Variants in TFAP2D observed in about 807,000 individuals in gnomAD.
TFAP2D encodes transcription factor AP-2 delta, also known as transcription factor AP-2-delta.
A neutral mutation model predicts 43.6 loss-of-function variants in TFAP2D; 9 were observed. The ratio of observed to expected loss-of-function variants is 0.21; its 90% confidence interval spans 0.12 to 0.36. The LOEUF (loss-of-function observed/expected upper bound fraction) is 0.36, where lower values mean the gene tolerates loss of function less well. Ranked by LOEUF, TFAP2D falls within the 10% of genes least tolerant of loss-of-function variation. TFAP2D has a pLI of 1.00. For missense variants in TFAP2D, 513 were observed against 561.4 expected (o/e 0.91, Z 0.87); for synonymous variants, 256 against 224.9 (o/e 1.14, Z -1.24).
chr6:50,742,185 G>GGCAT (rs1769054850), intron 5 of TFAP2D, among the ~76,000 whole-genome samples: 1 of 151,862 alleles, frequency 6.6e-6, no homozygotes, highest in African/African-American at 2.4e-5. Context: ...AAGCTTCTGT[G>GGCAT]GCATGATATA....
intron 3 of TFAP2D, among the ~76,000 whole-genome samples, chr6:50,720,742 C>T (rs1271651881): frequency 2.0e-5 from 3 of 151,972 alleles, no homozygotes; most frequent in East Asian, 1.9e-4. Flanking sequence ...TCTGTTGGGA[C>T]GGGTAAAAAT....
chr6:50,732,454 C>T lies in TFAP2D; in HGVS notation c.883+3142C>T, dbSNP rs528183740. ...ACATTACTGGGGTTCAATCATACCC[C>T]CACATTTTGGCATAATATTGAGCAT... is the stretch of plus-strand genomic sequence containing the variant. On this transcript the variant is annotated intron_variant, in intron 5 of 7. Coordinates refer to ENST00000008391, the MANE Select transcript of TFAP2D (RefSeq NM_172238.4). Among the ~76,000 whole-genome samples, 4 of 152,094 alleles carry T rather than the reference C, an allele frequency of 2.6e-5. No homozygotes were observed. The South Asian group carries it at 8.3e-4, about 32-fold the overall frequency.
chr6:50,751,654 G>A (rs946731440), intron 7 of TFAP2D, among the ~76,000 whole-genome samples: 2 of 151,704 alleles, frequency 1.3e-5, no homozygotes, highest in Non-Finnish European at 2.9e-5. Flanking sequence ...CTTTTATAAG[G>A]GCACTAATCC....
At chr6:50,730,371 C>A (rs574121010) in intron 5 of TFAP2D, among the ~76,000 whole-genome samples, 1 of 152,186 alleles carries the variant, frequency 6.6e-6, no homozygotes, top group African/African-American at 2.4e-5. Context: ...AACAATAACA[C>A]TGACAACTGA....
intron 7 of TFAP2D, among the ~76,000 whole-genome samples, chr6:50,766,813 T>C (rs9357669): frequency 0.22 from 33,045 of 147,348 alleles, 3,308 homozygotes; most frequent in East Asian, 0.4. Context: ...GGACTACAGG[T>C]GCCCGCCACC....
chr6:50,732,199 C>G (rs919397614), intron 5 of TFAP2D, among the ~76,000 whole-genome samples: 1 of 151,984 alleles, frequency 6.6e-6, no homozygotes, highest in Non-Finnish European at 1.5e-5. Context: ...CTTATATGGT[C>G]TTTCTATGGT....
At chr6:50,728,554 G>A (rs1396662183) in intron 3 of TFAP2D, among the ~76,000 whole-genome samples, 1 of 152,178 alleles carries the variant, frequency 6.6e-6, no homozygotes, top group Non-Finnish European at 1.5e-5. Flanking sequence ...ATTAATTGAA[G>A]TGTTTCTTAG....
At chr6:50,714,803 C>CTG (rs769901800) in intron 1 of TFAP2D, among the ~76,000 whole-genome samples, 5 of 151,776 alleles carry the variant, frequency 3.3e-5, no homozygotes, top group African/African-American at 9.7e-5. Flanking sequence ...TGGGCAGGGG[C>CTG]TGTGTGTGTG....
At chr6:50,718,670 T>C (rs112641691) in intron 2 of TFAP2D, among the ~76,000 whole-genome samples, 27 of 152,282 alleles carry the variant, frequency 1.8e-4, no homozygotes, top group Non-Finnish European at 2.6e-4. Context: ...GCATATGAAG[T>C]AGCTCCTCTG....
Position 50,715,630 on chromosome 6 carries a change from C to G in TFAP2D, c.537+17C>G, listed in dbSNP as rs373771115. The G allele has an allele frequency of 1.9e-6, 3 of 1,576,194 alleles. No individual in the cohort carries two copies. The Admixed American group carries it at 5.2e-5, about 27-fold the overall frequency. ...GACTTGCAGGTAAATAAGCATGCAGCGAATTTGTCTGCTCCCTCCCCTCTT... is the reference window on the plus strand; with the variant it reads ...GACTTGCAGGTAAATAAGCATGCAGGGAATTTGTCTGCTCCCTCCCCTCTT... On this transcript the variant is annotated intron_variant, in intron 2 of 7. Coordinates refer to ENST00000008391, the MANE Select transcript of TFAP2D (RefSeq NM_172238.4).
chr6:50,722,971 G>C (rs955129311), intron 3 of TFAP2D, among the ~76,000 whole-genome samples: 1 of 152,192 alleles, frequency 6.6e-6, no homozygotes, highest in Non-Finnish European at 1.5e-5. Flanking sequence ...GAGCGGACCC[G>C]GCCATGGGCA....
chr6:50,724,611 G>C (rs1768779296), intron 3 of TFAP2D, among the ~76,000 whole-genome samples: 1 of 152,102 alleles, frequency 6.6e-6, no homozygotes, highest in Admixed American at 6.5e-5. Flanking sequence ...GTATGGCTCA[G>C]AGGCAGATTT....
At chr6:50,720,486 AACACAC>A (rs59484837) in intron 3 of TFAP2D, among the ~76,000 whole-genome samples, 23,461 of 138,824 alleles carry the variant, frequency 0.17, 1,987 homozygotes, top group Admixed American at 0.26. Flanking sequence ...TGGAGATTAA[AACACAC>A]ACACACACAC....
At chr6:50,724,097 G>A (rs1010029637) in intron 3 of TFAP2D, among the ~76,000 whole-genome samples, 1 of 151,712 alleles carries the variant, frequency 6.6e-6, no homozygotes, top group African/African-American at 2.4e-5. Flanking sequence ...GCTGCCGTGG[G>A]GGGAGAGGTA....
chr6:50,721,786 A>G (rs1768728665), intron 3 of TFAP2D, among the ~76,000 whole-genome samples: 3 of 151,952 alleles, frequency 2.0e-5, no homozygotes, highest in South Asian at 2.1e-4. Context: ...ATTTTTCACC[A>G]TTTTCTCTTT....
At position 50,745,097 on chromosome 6, in the gene TFAP2D, C is replaced by T; in HGVS notation, c.884-10C>T. ...CTGGTGAGAAACTCACTTGTGTTAT[C>T]TGCCAACAGGGGAGGCTTTGCACTT... is the stretch of plus-strand genomic sequence containing the variant. On this transcript the variant is annotated splice_polypyrimidine_tract_variant and intron_variant, in intron 5 of 7. Coordinates refer to ENST00000008391, the MANE Select transcript of TFAP2D (RefSeq NM_172238.4). 1 of 1,612,906 alleles carries T rather than the reference C, an allele frequency of 6.2e-7. No individual in the cohort carries two copies. The highest frequency in any genetic ancestry group is 1.3e-5 in the African/African-American group (1 of 74,924).
At chr6:50,728,448 G>C (rs1192729995) in intron 3 of TFAP2D, among the ~76,000 whole-genome samples, 1 of 152,204 alleles carries the variant, frequency 6.6e-6, no homozygotes, top group African/African-American at 2.4e-5. Flanking sequence ...TCCATCCATT[G>C]TGTACATTGT....
Position 50,772,629 on chromosome 6 carries a change from C to A in TFAP2D, c.1140-16C>A. 6.2e-7 allele frequency: 1 copy of A among 1,606,402 alleles called. No homozygotes were observed. Among genetic ancestry groups the A allele is most frequent in the Non-Finnish European group, 8.5e-7 (1 of 1,175,628 alleles). ...AAATCATTCACCTCTTTTTTCCTATCACTTCTCATTTCCAGTTTGATCACT... is the reference window on the plus strand; with the variant it reads ...AAATCATTCACCTCTTTTTTCCTATAACTTCTCATTTCCAGTTTGATCACT... On this transcript the variant is annotated splice_polypyrimidine_tract_variant and intron_variant, in intron 7 of 7. Transcript: ENST00000008391.
intron 7 of TFAP2D, among the ~76,000 whole-genome samples, chr6:50,765,215 T>C (rs988319798): frequency 9.2e-5 from 14 of 152,224 alleles, no homozygotes; most frequent in African/African-American, 3.4e-4. Context: ...TCAGTTAGCA[T>C]AATGTCTTCC....
Sources: allele counts gnomAD v4.1 joint callset (sites outside exome capture counted in the v4.1 genomes callset), GRCh38; gene constraint gnomAD v4.1.1; transcripts MANE v1.5; gene names NCBI Gene and HGNC (gene_info 2026-07-23, HGNC 2026-07-21).